PGR: variants seen among roughly 807,000 people sequenced by gnomAD.
The protein encoded by PGR is progesterone receptor.
In PGR, 25 loss-of-function variants were observed where a neutral mutation model predicts 76.1. That is an observed-to-expected ratio of 0.33 (90% CI 0.24 to 0.46). PGR has a LOEUF of 0.46. Among genes scored for constraint, PGR ranks in the 20% least tolerant of loss-of-function variants. The probability of loss-of-function intolerance (pLI) is 1.00; values close to 1 mark genes in which losing one functional copy is unlikely to be tolerated. For missense variants in PGR, 1,172 were observed against 1,225.3 expected (o/e 0.96, Z 0.65); for synonymous variants, 579 against 535.0 (o/e 1.08, Z -1.14).
Position 101,128,738 on chromosome 11 carries a change from C to T in PGR, c.333G>A (p.Leu111=), listed in dbSNP as rs1367615662. 7 of 1,613,014 alleles carry T rather than the reference C, an allele frequency of 4.3e-6. No homozygotes were observed. Among genetic ancestry groups the T allele is most frequent in the Non-Finnish European group, 5.9e-6 (7 of 1,179,930 alleles). Residue 111 remains leucine, a synonymous_variant, in exon 1 of 8, where the codon CTG becomes CTA. Transcript: ENST00000325455. ...CCAACAGAGTGTCCAAGACACTGTC[C>T]AGCAGTCCGCTGTCCTTTTCTGGGG... ...SSPPEKDSGL[L]DSVLDTLLAP... is the part of the protein sequence containing the mutation.
In PGR at chr11:101,036,924, A is replaced by C. The variant is rs2135372793; in HGVS notation, c.*2192T>G. On this transcript the variant is annotated 3_prime_UTR_variant, in exon 8 of 8. Coordinates refer to ENST00000325455, the MANE Select transcript of PGR (RefSeq NM_000926.4). Reference sequence around the variant, plus strand: ...TGATCACAACATCAACTGTTCCCTGAGTCCATCACTTAAGCATAAAGGGCT... The same window carrying C: ...TGATCACAACATCAACTGTTCCCTGCGTCCATCACTTAAGCATAAAGGGCT... The C allele has an allele frequency of 5.0e-6, 1 of 201,952 alleles. No individual in the cohort carries two copies. Among genetic ancestry groups the C allele is most frequent in the Middle Eastern group, 1.7e-3 (1 of 580 alleles). The allele number at this position is 201,952 out of a possible 1,614,324, so 12.5% of individuals were successfully genotyped here. A position where few individuals can be genotyped will look rare whatever the true frequency, so the allele number is the denominator to read the frequency against.
chr11:101,037,639 A>G lies in PGR; in HGVS notation c.*1477T>C. On this transcript the variant is annotated 3_prime_UTR_variant, in exon 8 of 8. Coordinates refer to ENST00000325455, the MANE Select transcript of PGR (RefSeq NM_000926.4). ...ACATAAAATACACTTCTATTCTTCTATGTTATAGTCAGTAAAGGGAGAGAT... is the reference window on the plus strand; with the variant it reads ...ACATAAAATACACTTCTATTCTTCTGTGTTATAGTCAGTAAAGGGAGAGAT... 4.4e-6 allele frequency: 1 copy of G among 225,912 alleles called. No individual in the cohort carries two copies. The highest frequency in any genetic ancestry group is 6.4e-5 in the East Asian group (1 of 15,678). 14.0% of individuals were successfully genotyped at this position (225,912 alleles called of 1,614,324 possible). A position where few individuals can be genotyped will look rare whatever the true frequency, so the allele number is the denominator to read the frequency against.
At chr11:101,072,648 GAA>G (rs1860980587) in intron 3 of PGR, among the ~76,000 whole-genome samples, 1 of 152,090 alleles carries the variant, frequency 6.6e-6, no homozygotes, top group African/African-American at 2.4e-5. Context: ...CAAGCAAATG[GAA>G]AGCTAAAAAA....
chr11:101,040,616 AC>A (rs1859664797), intron 7 of PGR, among the ~76,000 whole-genome samples: 1 of 152,066 alleles, frequency 6.6e-6, no homozygotes, highest in African/African-American at 2.4e-5. Flanking sequence ...GAGAAGTCCA[AC>A]ATCATTCTGA....
rs941211595 is a variant in PGR at position 101,128,377 on chromosome 11, A to T, written c.694T>A (p.Ser232Thr). 1 of 1,607,654 alleles carries T rather than the reference A, an allele frequency of 6.2e-7. No individual in the cohort carries two copies. Among genetic ancestry groups the T allele is most frequent in the Admixed American group, 1.7e-5 (1 of 59,948 alleles). The change falls in exon 1 of 8, where the codon TCT becomes ACT. Residue 232 changes from serine to threonine, a missense_variant. This residue lies in a region of PGR where 893 missense variants were observed against 785.9 expected (regional missense o/e 1.14). Coordinates refer to ENST00000325455, the MANE Select transcript of PGR (RefSeq NM_000926.4). ...TTGCCCTTCAGAAGCGGACCCGCAG[A>T]CTCCTCGGACTCAGAGCCATCCTCC... is the stretch of plus-strand genomic sequence containing the variant. ...EEEDGSESEE[S>T]AGPLLKGKPR...
chr11:101,116,867 C>A (rs1017472808), intron 2 of PGR, among the ~76,000 whole-genome samples: 1 of 151,342 alleles, frequency 6.6e-6, no homozygotes, highest in East Asian at 2.0e-4. Context: ...CAAATGGGTA[C>A]AATTTTTTAC....
chr11:101,098,051 C>T (rs1861889680), intron 2 of PGR, among the ~76,000 whole-genome samples: 2 of 152,206 alleles, frequency 1.3e-5, no homozygotes, highest in South Asian at 4.1e-4. Flanking sequence ...GCTGAGATTA[C>T]AGGCGTGAGC....
chr11:101,049,363 T>C (rs913624893), intron 6 of PGR, among the ~76,000 whole-genome samples: 1 of 152,196 alleles, frequency 6.6e-6, no homozygotes, highest in East Asian at 1.9e-4. Context: ...AATAGAAAAG[T>C]ATACTACAGT....
rs1381072597 is a variant in PGR, at chr11:101,030,318, AGTCAAAGTATGTTAGGG to A, written c.*8781_*8797del. The A allele has an allele frequency of 9.3e-5, 21 of 225,308 alleles. No homozygotes were observed. The highest frequency in any genetic ancestry group is 2.7e-5 in the Non-Finnish European group (3 of 113,166). 14.0% of individuals were successfully genotyped at this position (225,308 alleles called of 1,614,324 possible). On this transcript the variant is annotated 3_prime_UTR_variant, in exon 8 of 8. Coordinates refer to ENST00000325455, the MANE Select transcript of PGR (RefSeq NM_000926.4). ...TGTGAATATCTACCATGTGCAAAAC[AGTCAAAGTATGTTAGGG>A]GAAATTTAAAACATTACATAGAAAA...
intron 2 of PGR, among the ~76,000 whole-genome samples, chr11:101,112,300 G>A (rs1181415499): frequency 6.6e-6 from 1 of 152,164 alleles, no homozygotes; most frequent in African/African-American, 2.4e-5. Context: ...GATGAGAAAA[G>A]GAAGAGCATG....
At chr11:101,042,594 T>TA (rs1431039220) in intron 6 of PGR, among the ~76,000 whole-genome samples, 43 of 152,286 alleles carry the variant, frequency 2.8e-4, no homozygotes, top group Non-Finnish European at 2.5e-4. Context: ...GTTGTAATTT[T>TA]AAAAATTGCT....
At chr11:101,103,563 C>T (rs909702674) in intron 2 of PGR, among the ~76,000 whole-genome samples, 1 of 152,122 alleles carries the variant, frequency 6.6e-6, no homozygotes, top group Non-Finnish European at 1.5e-5. Flanking sequence ...GGGCATATTC[C>T]TGACCTCTCA....
chr11:101,116,622 C>T (rs1443559087), intron 2 of PGR, among the ~76,000 whole-genome samples: 1 of 151,820 alleles, frequency 6.6e-6, no homozygotes. Context: ...CACCTGTAAT[C>T]CCAGCTATTC....
At position 101,038,112 on chromosome 11, in the gene PGR, A is replaced by T. The variant is rs1859570840; in HGVS notation, c.*1004T>A. On this transcript the variant is annotated 3_prime_UTR_variant, in exon 8 of 8. Coordinates refer to ENST00000325455, the MANE Select transcript of PGR (RefSeq NM_000926.4). ...GTAAAAAGATTTGCATGGCTGAAAC[A>T]TAATATGAATTCATGATAGTGGAGG... 5.1e-6 allele frequency: 1 copy of T among 195,570 alleles called. No individual in the cohort carries two copies. Among genetic ancestry groups the T allele is most frequent in the African/African-American group, 2.3e-5 (1 of 43,276 alleles). The allele number at this position is 195,570 out of a possible 1,614,324, so 12.1% of individuals were successfully genotyped here.
chr11:101,067,035 A>G (rs1434251197), intron 3 of PGR, among the ~76,000 whole-genome samples: 2 of 152,178 alleles, frequency 1.3e-5, no homozygotes, highest in East Asian at 1.9e-4. Context: ...ATTCATATCA[A>G]GCTCTACAAG....
intron 3 of PGR, among the ~76,000 whole-genome samples, chr11:101,074,440 C>A (rs1034261855): frequency 2.0e-5 from 3 of 152,100 alleles, no homozygotes; most frequent in Non-Finnish European, 2.9e-5. Context: ...CCTTTCCCAC[C>A]ACTGCTATTA....
chr11:101,110,673 A>T (rs540152986), intron 2 of PGR, among the ~76,000 whole-genome samples: 1 of 152,324 alleles, frequency 6.6e-6, no homozygotes, highest in South Asian at 2.1e-4. Flanking sequence ...GTGATAGTGC[A>T]GCAGCAGGTT....
intron 3 of PGR, among the ~76,000 whole-genome samples, chr11:101,085,139 T>C (rs1223353067): frequency 6.6e-6 from 1 of 152,168 alleles, no homozygotes; most frequent in African/African-American, 2.4e-5. Context: ...CGTAAATTCT[T>C]CTCATCTGTA....
At chr11:101,075,343 G>A in intron 3 of PGR, among the ~76,000 whole-genome samples, 1 of 152,108 alleles carries the variant, frequency 6.6e-6, no homozygotes, top group East Asian at 1.9e-4. Context: ...AGACTTAAAT[G>A]TAAGACTGAA....
Sources: allele counts gnomAD v4.1 joint callset (sites outside exome capture counted in the v4.1 genomes callset), GRCh38; gene constraint gnomAD v4.1.1; regional missense constraint gnomAD v4.1.1; transcripts MANE v1.5; gene names NCBI Gene and HGNC (gene_info 2026-07-23, HGNC 2026-07-21).